The following ROBO1 variants were observed in gnomAD, a reference collection of about 807,000 sequenced individuals.
ROBO1 encodes the protein roundabout guidance receptor 1.
Under a neutral mutation model 195.9 loss-of-function variants are expected in ROBO1, and 149 were observed. That is an observed-to-expected ratio of 0.76 (90% CI 0.67 to 0.87). ROBO1 has a LOEUF of 0.87. Ranked by LOEUF, ROBO1 falls within the 40% of genes least tolerant of loss-of-function variation. The pLI is 0.00. For synonymous variants in ROBO1, 816 were observed against 733.2 expected (o/e 1.11, Z -1.82); for missense variants, 1,933 against 2,068.3 (o/e 0.93, Z 1.27).
At chr3:79,734,333 C>T (rs1036344476) in intron 1 of ROBO1, among the ~76,000 whole-genome samples, 1 of 152,102 alleles carries the variant, frequency 6.6e-6, no homozygotes, top group Non-Finnish European at 1.5e-5. Context: ...ACATACAAAG[C>T]AAAACAAACA....
chr3:78,773,678 T>C (rs942425626), intron 4 of ROBO1, among the ~76,000 whole-genome samples: 4 of 152,186 alleles, frequency 2.6e-5, no homozygotes, highest in Non-Finnish European at 4.4e-5. Context: ...GATGACTTAG[T>C]CTACACTCTG....
chr3:79,080,701 TG>T (rs2079256758), intron 3 of ROBO1, among the ~76,000 whole-genome samples: 1 of 152,110 alleles, frequency 6.6e-6, no homozygotes, highest in South Asian at 2.1e-4. Flanking sequence ...GGAAAGGTCA[TG>T]GCCGCTCTAA....
intron 1 of ROBO1, among the ~76,000 whole-genome samples, chr3:79,633,945 G>C (rs1021658994): frequency 1.3e-5 from 2 of 152,002 alleles, no homozygotes; most frequent in Non-Finnish European, 2.9e-5. Context: ...GAGCTTCTTT[G>C]TTGGGAACTG....
At chr3:79,197,081 G>A (rs916162860) in intron 2 of ROBO1, among the ~76,000 whole-genome samples, 2 of 151,588 alleles carry the variant, frequency 1.3e-5, no homozygotes, top group African/African-American at 4.8e-5. Flanking sequence ...TTTAAGTTCT[G>A]CACAACATTC....
chr3:79,683,054 G>A (rs1340354589), intron 1 of ROBO1, among the ~76,000 whole-genome samples: 1 of 151,982 alleles, frequency 6.6e-6, no homozygotes, highest in Non-Finnish European at 1.5e-5. Flanking sequence ...ATATCTTGTA[G>A]TATTATCTGA....
At chr3:79,575,941 A>G (rs1943471788) in intron 2 of ROBO1, among the ~76,000 whole-genome samples, 1 of 151,922 alleles carries the variant, frequency 6.6e-6, no homozygotes, top group African/African-American at 2.4e-5. Context: ...TGGCTCTCTT[A>G]CATAACTCCA....
At chr3:79,225,504 T>A (rs1419164448) in intron 2 of ROBO1, among the ~76,000 whole-genome samples, 1 of 152,198 alleles carries the variant, frequency 6.6e-6, no homozygotes, top group Admixed American at 6.5e-5. Flanking sequence ...TCTAATTTAC[T>A]ATCAACTTCT....
intron 1 of ROBO1, among the ~76,000 whole-genome samples, chr3:79,732,529 G>C (rs1204009992): frequency 6.6e-6 from 1 of 151,954 alleles, no homozygotes; most frequent in African/African-American, 2.4e-5. Context: ...AGCCAAAAGT[G>C]TTTAAAAAAA....
chr3:79,162,984 C>T (rs535630605), intron 2 of ROBO1, among the ~76,000 whole-genome samples: 1 of 152,090 alleles, frequency 6.6e-6, no homozygotes, highest in South Asian at 2.1e-4. Flanking sequence ...GTTTTGTGGC[C>T]TCACTTTTTA....
chr3:78,847,225 A>G (rs1477803601), intron 4 of ROBO1, among the ~76,000 whole-genome samples: 2 of 152,168 alleles, frequency 1.3e-5, no homozygotes, highest in Non-Finnish European at 2.9e-5. Flanking sequence ...GGAGGATGGA[A>G]TATAACTTCT....
chr3:79,194,750 T>C lies in ROBO1; in HGVS notation c.89-69211A>G, dbSNP rs574050133. ...AGAATGGTGAAAACAAAGATCATCTTATTCTTTACAGGTATGTAGGGGACT... is the reference window on the plus strand; with the variant it reads ...AGAATGGTGAAAACAAAGATCATCTCATTCTTTACAGGTATGTAGGGGACT... On this transcript the variant is annotated intron_variant, in intron 2 of 30. Coordinates refer to ENST00000464233, the MANE Select transcript of ROBO1 (RefSeq NM_002941.4). Among the ~76,000 whole-genome samples the C allele has an allele frequency of 9.9e-5, 15 of 151,770 alleles. No individual in the cohort carries two copies. The South Asian group carries it at 2.5e-3, about 25-fold the overall frequency.
chr3:79,256,244 CCT>C (rs2082831386), intron 2 of ROBO1, among the ~76,000 whole-genome samples: 1 of 152,136 alleles, frequency 6.6e-6, no homozygotes, highest in South Asian at 2.1e-4. Context: ...TTCTAAGTCT[CCT>C]CTTCTTTGGT....
chr3:79,549,531 CT>C (rs1287643560), intron 2 of ROBO1, among the ~76,000 whole-genome samples: 14 of 151,964 alleles, frequency 9.2e-5, no homozygotes, highest in African/African-American at 1.9e-4. Flanking sequence ...CATGTACAGC[CT>C]TTTTTTCCCT....
intron 3 of ROBO1, among the ~76,000 whole-genome samples, chr3:79,100,473 C>G (rs1450912917): frequency 6.6e-6 from 1 of 151,418 alleles, no homozygotes; most frequent in East Asian, 2.0e-4. Context: ...GGTTAGGAAG[C>G]TGAATTTAAA....
chr3:79,330,809 C>G (rs996873197), intron 2 of ROBO1, among the ~76,000 whole-genome samples: 1 of 151,748 alleles, frequency 6.6e-6, no homozygotes, highest in Non-Finnish European at 1.5e-5. Context: ...GTTTGAAACT[C>G]AGGCTTCTAT....
intron 5 of ROBO1, among the ~76,000 whole-genome samples, chr3:78,721,727 C>CA (rs1167053917): frequency 6.6e-6 from 1 of 152,058 alleles, no homozygotes; most frequent in African/African-American, 2.4e-5. Context: ...AAATAATTTG[C>CA]AACAGCTTAG....
chr3:79,681,687 A>G (rs1946953779), intron 1 of ROBO1, among the ~76,000 whole-genome samples: 1 of 151,916 alleles, frequency 6.6e-6, no homozygotes, highest in Admixed American at 6.6e-5. Flanking sequence ...CTCCTTCCCA[A>G]GGAGATGTGG....
intron 28 of ROBO1, among the ~76,000 whole-genome samples, chr3:78,612,481 C>T (rs1273746782): frequency 6.6e-6 from 1 of 152,118 alleles, no homozygotes; most frequent in Non-Finnish European, 1.5e-5. Flanking sequence ...AAAATAATTT[C>T]CGAAAAAATG....
intron 2 of ROBO1, among the ~76,000 whole-genome samples, chr3:79,287,061 C>T (rs1353653577): frequency 6.6e-6 from 1 of 152,060 alleles, no homozygotes; most frequent in African/African-American, 2.4e-5. Flanking sequence ...TTCCAGCGCA[C>T]AATGAGTCAC....
Sources: allele counts gnomAD v4.1 joint callset (sites outside exome capture counted in the v4.1 genomes callset), GRCh38; gene constraint gnomAD v4.1.1; transcripts MANE v1.5; gene names NCBI Gene and HGNC (gene_info 2026-07-23, HGNC 2026-07-21).